The following TENM4 variants were observed in gnomAD, a reference collection of about 807,000 sequenced individuals.
TENM4 encodes the protein teneurin transmembrane protein 4.
A neutral mutation model predicts 243.3 loss-of-function variants in TENM4; 82 were observed. The observed-to-expected ratio is 0.34, with a 90% CI of 0.28 to 0.40. The LOEUF (loss-of-function observed/expected upper bound fraction) is 0.40. TENM4 is among the 10% of genes least tolerant of loss of function. The probability of loss-of-function intolerance (pLI) is 1.00; values close to 1 mark genes in which losing one functional copy is unlikely to be tolerated. For synonymous variants in TENM4, 1,412 were observed against 1,456.3 expected, an observed-to-expected ratio of 0.97 and a Z score of 0.69; for missense variants, 3,138 against 3,673.3, an observed-to-expected ratio of 0.85 and a Z score of 3.77.
intron 6 of TENM4, among the ~76,000 whole-genome samples, chr11:78,978,859 GTTTC>G (rs1233216371): frequency 6.6e-6 from 1 of 152,030 alleles, no homozygotes; most frequent in Non-Finnish European, 1.5e-5. Context: ...ACAAAACAGG[GTTTC>G]TTGCTTTCTG....
intron 28 of TENM4, among the ~76,000 whole-genome samples, chr11:78,693,604 T>C (rs1444937779): frequency 6.6e-6 from 1 of 152,126 alleles, no homozygotes; most frequent in East Asian, 1.9e-4. Context: ...AAGCCCCCAG[T>C]TGGGGGTATG....
At position 78,657,433 on chromosome 11, in the gene TENM4, A is replaced by C. The variant is rs1857922890; in HGVS notation, c.*625T>G. On this transcript the variant is annotated 3_prime_UTR_variant, in exon 34 of 34. Transcript: ENST00000278550. ...AACAGGAGTTTGGGGCAGCTTAAAA[A>C]AGGTGCTGAACAACACCATGAAATT... 2.7e-6 allele frequency: 1 copy of C among 372,764 alleles called. No homozygotes were observed. The highest frequency in any genetic ancestry group is 4.8e-6 in the Non-Finnish European group (1 of 210,134). The allele number at this position is 372,764 out of a possible 1,614,324, so 23.1% of individuals were successfully genotyped here.
chr11:79,152,256 G>A (rs1011300867), intron 3 of TENM4, among the ~76,000 whole-genome samples: 1 of 152,078 alleles, frequency 6.6e-6, no homozygotes, highest in African/African-American at 2.4e-5. Flanking sequence ...ACCCATGTTT[G>A]GCTACATTCT....
At chr11:79,154,835 C>T (rs572285190) in intron 3 of TENM4, among the ~76,000 whole-genome samples, 1 of 152,278 alleles carries the variant, frequency 6.6e-6, no homozygotes, top group South Asian at 2.1e-4. Flanking sequence ...CCCTCTGAAG[C>T]AGGCCCACCT....
At chr11:79,081,861 A>T (rs551719430) in intron 4 of TENM4, among the ~76,000 whole-genome samples, 1 of 152,068 alleles carries the variant, frequency 6.6e-6, no homozygotes. Context: ...TCAACTCGTG[A>T]TGACTGAAGC....
At chr11:78,891,368 T>C in intron 7 of TENM4, 32 bp from the exon 8 acceptor site, 3 of 1,538,462 alleles carry the variant, frequency 1.9e-6, no homozygotes, top group Non-Finnish European at 2.6e-6. Context: ...AATGAAGCAA[T>C]GAGTCATGCA....
intron 13 of TENM4, 99 bp from the exon 14 acceptor site, chr11:78,812,415 G>T: frequency 7.4e-7 from 1 of 1,354,878 alleles, no homozygotes; most frequent in Non-Finnish European, 1.0e-6. Context: ...TTCACCAGTA[G>T]CCTCAACTGC....
At chr11:79,185,674 C>T (rs1863368854) in intron 3 of TENM4, among the ~76,000 whole-genome samples, 2 of 152,280 alleles carry the variant, frequency 1.3e-5, no homozygotes, top group Middle Eastern at 3.4e-3. Flanking sequence ...AAAATCATTG[C>T]CCAAGTTTGG....
Position 79,394,317 on chromosome 11 carries a change from C to T in TENM4, c.-321+46192G>A, listed in dbSNP as rs140313836. 3.2e-4 allele frequency among the ~76,000 whole-genome samples: 49 copies of T among 152,252 alleles called. 1 individual carries two copies. In the East Asian group the frequency reaches 8.5e-3, roughly 26 times the overall value. Reference sequence around the variant, plus strand: ...GTGAGGAGGGTGGCATGCCTACCCCCGCATCCCAGCAGCTCCCAAGGTCAG... The same window carrying T: ...GTGAGGAGGGTGGCATGCCTACCCCTGCATCCCAGCAGCTCCCAAGGTCAG... On this transcript the variant is annotated intron_variant, in intron 1 of 33. Coordinates refer to ENST00000278550, the MANE Select transcript of TENM4 (RefSeq NM_001098816.3).
At chr11:79,282,108 A>G (rs575234768) in intron 2 of TENM4, among the ~76,000 whole-genome samples, 4 of 152,366 alleles carry the variant, frequency 2.6e-5, no homozygotes, top group African/African-American at 9.6e-5. Flanking sequence ...AATCAAAGCC[A>G]CAATGAGATA....
At chr11:78,930,385 A>T (rs1856642118) in intron 6 of TENM4, among the ~76,000 whole-genome samples, 1 of 152,102 alleles carries the variant, frequency 6.6e-6, no homozygotes, top group Non-Finnish European at 1.5e-5. Context: ...CCTTGATTAG[A>T]GAGTTAGCTG....
Position 78,658,300 on chromosome 11 carries a change from C to T in TENM4, c.8068G>A (p.Val2690Ile), listed in dbSNP as rs377107284. Residue 2690 changes from valine (V) to isoleucine (I), a missense_variant, in exon 34 of 34, where the codon GTC becomes ATC. This residue lies in a region of TENM4 where 2,467 missense variants were observed against 3,059.1 expected (regional missense o/e 0.81). Coordinates refer to ENST00000278550, the MANE Select transcript of TENM4 (RefSeq NM_001098816.3). The part of the protein sequence containing the change: ...GTTLDEEKAR[V>I]LELARQRAVR... ...GCTCTCTGCCGGGCCAGCTCCAGGACCCGTGCCTTCTCCTCATCCAACGTT... is the reference window on the plus strand; with the variant it reads ...GCTCTCTGCCGGGCCAGCTCCAGGATCCGTGCCTTCTCCTCATCCAACGTT... 3 of 1,612,894 alleles carry T rather than the reference C, an allele frequency of 1.9e-6. No homozygotes were observed. The African/African-American group carries it at 4.0e-5, about 22-fold the overall frequency.
At chr11:79,034,126 A>AT (rs1196691890) in intron 6 of TENM4, among the ~76,000 whole-genome samples, 1 of 152,240 alleles carries the variant, frequency 6.6e-6, no homozygotes, top group East Asian at 1.9e-4. Context: ...AGGTGAAAGC[A>AT]TTTTTGCAAA....
chr11:78,895,199 G>A (rs1025654997), intron 7 of TENM4, among the ~76,000 whole-genome samples: 3 of 151,704 alleles, frequency 2.0e-5, no homozygotes, highest in African/African-American at 7.3e-5. Context: ...AGCTAGGCAC[G>A]GTGGCGGGTG....
At chr11:78,692,820 C>T (rs1200714553) in intron 28 of TENM4, among the ~76,000 whole-genome samples, 3 of 152,188 alleles carry the variant, frequency 2.0e-5, no homozygotes, top group African/African-American at 7.2e-5. Context: ...GAATGCTCTT[C>T]CCTCCAGTGT....
chr11:79,210,509 C>T (rs765237351), intron 3 of TENM4, among the ~76,000 whole-genome samples: 19 of 152,194 alleles, frequency 1.2e-4, no homozygotes, highest in Non-Finnish European at 2.1e-4. Flanking sequence ...GCAGTAAACA[C>T]TGAAGGCCAA....
At chr11:79,020,273 C>T (rs954625711) in intron 6 of TENM4, among the ~76,000 whole-genome samples, 1 of 152,196 alleles carries the variant, frequency 6.6e-6, no homozygotes, top group East Asian at 1.9e-4. Context: ...AGATCAACAC[C>T]GAACACTAAT....
At chr11:79,426,353 G>C (rs1299514366) in intron 1 of TENM4, among the ~76,000 whole-genome samples, 1 of 152,166 alleles carries the variant, frequency 6.6e-6, no homozygotes, top group Non-Finnish European at 1.5e-5. Flanking sequence ...GTCTGTAGGG[G>C]ACCCTGGCTC....
chr11:79,227,851 A>C (rs1864301415), intron 2 of TENM4, among the ~76,000 whole-genome samples: 1 of 152,180 alleles, frequency 6.6e-6, no homozygotes, highest in South Asian at 2.1e-4. Context: ...CAGACCAAGA[A>C]AGACACCTGT....
Sources: allele counts gnomAD v4.1 joint callset (sites outside exome capture counted in the v4.1 genomes callset), GRCh38; gene constraint gnomAD v4.1.1; regional missense constraint gnomAD v4.1.1; transcripts MANE v1.5; gene names NCBI Gene and HGNC (gene_info 2026-07-23, HGNC 2026-07-21).